The following SPATA18 variants were observed in gnomAD, a reference collection of about 807,000 sequenced individuals.
SPATA18 encodes the protein mitochondria-eating protein.
In SPATA18, 54 loss-of-function variants were observed where a neutral mutation model predicts 68.1. The ratio of observed to expected loss-of-function variants is 0.79; its 90% CI spans 0.64 to 0.99. The LOEUF (loss-of-function observed/expected upper bound fraction) is 0.99. Among genes scored for constraint, SPATA18 ranks in the 50% least tolerant of loss-of-function variants. The pLI is 0.00. For missense variants in SPATA18, 724 were observed against 681.1 expected, an observed-to-expected ratio of 1.06 and a Z score of -0.70; for synonymous variants, 242 against 244.8, an observed-to-expected ratio of 0.99 and a Z score of 0.11.
chr4:52,081,033 T>G (rs1256267480), intron 9 of SPATA18, among the ~76,000 whole-genome samples: 1 of 152,218 alleles, frequency 6.6e-6, no homozygotes. Flanking sequence ...CCAACATGGA[T>G]CAACTCATGG....
At chr4:52,061,387 C>T (rs1427893727) in intron 3 of SPATA18, among the ~76,000 whole-genome samples, 1 of 151,692 alleles carries the variant, frequency 6.6e-6, no homozygotes, top group African/African-American at 2.4e-5. Context: ...GGCTTAAAAC[C>T]TAGGTGACAG....
At chr4:52,063,598 C>A (rs75696361) in intron 4 of SPATA18, among the ~76,000 whole-genome samples, 3 of 152,160 alleles carry the variant, frequency 2.0e-5, no homozygotes, top group African/African-American at 7.2e-5. Context: ...TTTGGTTTAT[C>A]GTAGTCCATT....
chr4:52,088,349 C>T (rs536698863), intron 11 of SPATA18, among the ~76,000 whole-genome samples: 8 of 152,158 alleles, frequency 5.3e-5, no homozygotes, highest in East Asian at 3.9e-4. Context: ...TGTCTTGTGC[C>T]GGTTTTCAAA....
At chr4:52,085,142 T>G in intron 11 of SPATA18, 143 bp downstream of exon 11, 1 of 595,124 alleles carries the variant, frequency 1.7e-6, no homozygotes, top group Non-Finnish European at 3.0e-6. Flanking sequence ...TCCAAATTGA[T>G]TTTTATACTA....
In SPATA18 at chr4:52,094,958, C is replaced by T; in HGVS notation, c.*71C>T. On this transcript the variant is annotated 3_prime_UTR_variant, in exon 13 of 13. Coordinates refer to ENST00000295213, the MANE Select transcript of SPATA18 (RefSeq NM_145263.4). ...TTTCTCCAGTGCCGCCATCTGTCTT[C>T]TGTGTCTGCCTCAGACCTCACTTAA... 4 of 1,570,230 alleles carry T rather than the reference C, an allele frequency of 2.5e-6. No individual in the cohort carries two copies. The highest frequency in any genetic ancestry group is 2.6e-6 in the Non-Finnish European group (3 of 1,140,090).
intron 4 of SPATA18, among the ~76,000 whole-genome samples, chr4:52,065,633 C>G (rs1739246194): frequency 6.6e-6 from 1 of 152,164 alleles, no homozygotes; most frequent in Non-Finnish European, 1.5e-5. Context: ...AGAATTTGTT[C>G]TCCACATTCT....
At chr4:52,078,401 C>T (rs1327335382) in intron 7 of SPATA18, 1 of 177,658 alleles carries the variant, frequency 5.6e-6, no homozygotes, top group African/African-American at 2.4e-5. Flanking sequence ...TGATAATGTT[C>T]TCTTATTTCT....
At chr4:52,083,150 T>C in intron 10 of SPATA18, 1 of 985,368 alleles carries the variant, frequency 1.0e-6, no homozygotes, top group Non-Finnish European at 1.2e-6. Context: ...CGTGTTGTAC[T>C]GGGGATTGGG....
chr4:52,059,271 G>A (rs1422039306), intron 1 of SPATA18, among the ~76,000 whole-genome samples: 1 of 152,166 alleles, frequency 6.6e-6, no homozygotes, highest in African/African-American at 2.4e-5. Context: ...GCTGTTTTCT[G>A]TTCTGGGATT....
chr4:52,052,196 A>AT (rs532107396), intron 1 of SPATA18, among the ~76,000 whole-genome samples: 1 of 152,070 alleles, frequency 6.6e-6, no homozygotes, highest in Non-Finnish European at 1.5e-5. Flanking sequence ...ATCCCGAATT[A>AT]TTTTTTACTA....
intron 8 of SPATA18, 139 bp from the exon 9 acceptor site, chr4:52,079,605 A>G (rs1740738355): frequency 2.2e-6 from 2 of 917,900 alleles, no homozygotes; most frequent in Admixed American, 4.6e-5. Context: ...TCCTTTTAGC[A>G]CATTCACTGT....
At chr4:52,085,094 C>A in intron 11 of SPATA18, 95 bp downstream of exon 11, 2 of 947,950 alleles carry the variant, frequency 2.1e-6, no homozygotes, top group South Asian at 3.1e-5. Flanking sequence ...GATTATAAGT[C>A]TACAGGTGGA....
At chr4:52,083,214 T>TA in intron 10 of SPATA18, 5 of 985,382 alleles carry the variant, frequency 5.1e-6, no homozygotes, top group Non-Finnish European at 6.0e-6. Flanking sequence ...ATGTAGTTTT[T>TA]ACCCCTGCCT....
At chr4:52,075,005 A>G (rs1399389542) in intron 6 of SPATA18, among the ~76,000 whole-genome samples, 1 of 152,186 alleles carries the variant, frequency 6.6e-6, no homozygotes, top group Non-Finnish European at 1.5e-5. Context: ...ATAATCCAGG[A>G]ATAAAGTTAG....
chr4:52,075,807 C>T (rs1013061664), intron 6 of SPATA18, among the ~76,000 whole-genome samples: 1 of 152,208 alleles, frequency 6.6e-6, no homozygotes, highest in Admixed American at 6.5e-5. Flanking sequence ...CCGGCTTTAT[C>T]ATTGTTAGGA....
chr4:52,081,425 C>T (rs1441664048), intron 9 of SPATA18, among the ~76,000 whole-genome samples: 1 of 152,220 alleles, frequency 6.6e-6, no homozygotes, highest in Non-Finnish European at 1.5e-5. Context: ...AAACCCTCCT[C>T]CTTCTGGCCT....
rs1048248308 is a variant in SPATA18, at chr4:52,051,468, G to A, written c.-237G>A. Reference sequence around the variant, plus strand: ...GCTCAGGCGGCTGCTGGGGAGCCAGGAGACCGCGCGGGACGGCGGATGAGG... The same window carrying A: ...GCTCAGGCGGCTGCTGGGGAGCCAGAAGACCGCGCGGGACGGCGGATGAGG... On this transcript the variant is annotated 5_prime_UTR_variant, in exon 1 of 13. Coordinates refer to ENST00000295213, the MANE Select transcript of SPATA18 (RefSeq NM_145263.4). 1.9e-6 allele frequency: 1 copy of A among 538,282 alleles called. No homozygotes were observed. The allele number at this position is 538,282 out of a possible 1,614,324, so 33.3% of individuals were successfully genotyped here.
chr4:52,082,792 T>A, intron 10 of SPATA18: 2 of 1,227,632 alleles, frequency 1.6e-6, no homozygotes, highest in Non-Finnish European at 2.1e-6. Context: ...TATAATATTT[T>A]AAAAACAAAG....
chr4:52,064,510 A>T (rs922350974), intron 4 of SPATA18, among the ~76,000 whole-genome samples: 5 of 152,138 alleles, frequency 3.3e-5, no homozygotes, highest in Admixed American at 3.3e-4. Context: ...CCCACTTATA[A>T]GTGAGAACCA....
Sources: allele counts gnomAD v4.1 joint callset (sites outside exome capture counted in the v4.1 genomes callset), GRCh38; gene constraint gnomAD v4.1.1; transcripts MANE v1.5; gene names NCBI Gene and HGNC (gene_info 2026-07-23, HGNC 2026-07-21).